THAP4: variants seen among roughly 807,000 people sequenced by gnomAD.
THAP4 encodes THAP domain containing 4, also known as peroxynitrite isomerase THAP4.
A neutral mutation model predicts 48.1 loss-of-function variants in THAP4; 18 were observed. The ratio of observed to expected loss-of-function variants is 0.37; its 90% CI spans 0.26 to 0.56. The LOEUF is 0.56. THAP4 is among the 20% of genes least tolerant of loss of function. The pLI, the probability that THAP4 is intolerant of heterozygous loss-of-function variation, is 0.78. For missense variants in THAP4, 656 were observed against 774.9 expected (o/e 0.85, Z 1.82); for synonymous variants, 345 against 324.9 (o/e 1.06, Z -0.66).
intron 2 of THAP4, among the ~76,000 whole-genome samples, chr2:241,620,987 G>GA (rs1420362542): frequency 1.3e-5 from 2 of 152,132 alleles, no homozygotes; most frequent in African/African-American, 2.4e-5. Flanking sequence ...TCTGAAGAGA[G>GA]AGAGTGAGCA....
At position 241,584,611 on chromosome 2, in the gene THAP4, G is replaced by A; in HGVS notation, c.1729C>T (p.Pro577Ser). 1.2e-6 allele frequency: 2 copies of A among 1,614,084 alleles called. No homozygotes were observed. The highest frequency in any genetic ancestry group is 1.7e-6 in the Non-Finnish European group (2 of 1,179,988). The change falls in exon 6 of 6, where the codon CCG becomes TCG. Residue 577 changes from proline (P) to serine (S), a missense_variant. Around this residue, in one of 4 missense-constraint regions of THAP4, gnomAD observed 176 missense variants for 256.7 expected, o/e 0.69. Coordinates refer to ENST00000407315, the MANE Select transcript of THAP4 (RefSeq NM_015963.6). The stretch of plus-strand genomic sequence containing the variant: ...GGGCTCCAGAAGCTCTAGGTTTACG[G>A]GGTCACCTTCTTGTAGGTGACGTGA... ...HLHVTYKKVT[P>S]
intron 2 of THAP4, among the ~76,000 whole-genome samples, chr2:241,632,409 G>A (rs1274716644): frequency 1.3e-5 from 2 of 152,042 alleles, no homozygotes; most frequent in Admixed American, 6.6e-5. Context: ...CTCAACAGAT[G>A]TTTTAATTGA....
intron 5 of THAP4, among the ~76,000 whole-genome samples, chr2:241,600,691 G>T (rs2067101344): frequency 7.1e-6 from 1 of 141,250 alleles, no homozygotes; most frequent in Non-Finnish European, 1.5e-5. Context: ...TTGCTCCACT[G>T]CACTCCAGCC....
intron 5 of THAP4, among the ~76,000 whole-genome samples, chr2:241,591,035 C>A (rs1575017121): frequency 6.6e-6 from 1 of 151,950 alleles, no homozygotes; most frequent in East Asian, 1.9e-4. Flanking sequence ...AACTGCCCGG[C>A]TGACGATGAT....
At chr2:241,630,897 G>C (rs1045983484) in intron 2 of THAP4, among the ~76,000 whole-genome samples, 2 of 151,588 alleles carry the variant, frequency 1.3e-5, no homozygotes, top group Non-Finnish European at 2.9e-5. Flanking sequence ...GTGGTGATAG[G>C]GGCCTGTAAT....
chr2:241,594,614 C>A, intron 5 of THAP4: 1 of 352,854 alleles, frequency 2.8e-6, no homozygotes, highest in Non-Finnish European at 5.7e-6. Flanking sequence ...CAACAAAAAC[C>A]GGGCATGCTG....
intron 2 of THAP4, among the ~76,000 whole-genome samples, chr2:241,631,893 CTT>C (rs531274905): frequency 4.2e-5 from 6 of 141,558 alleles, no homozygotes; most frequent in Non-Finnish European, 4.7e-5. Context: ...TATTGTATTT[CTT>C]TTTTTTTTTT....
In THAP4 at chr2:241,584,609, C is replaced by T. The variant is rs369630052; in HGVS notation, c.1731G>A (p.Pro577=). The change falls in exon 6 of 6, where the codon CCG becomes CCA. Residue 577 remains proline (P), a synonymous_variant. Transcript: ENST00000407315. The part of the protein sequence containing the change: ...HLHVTYKKVT[P] ...GAGGGCTCCAGAAGCTCTAGGTTTACGGGGTCACCTTCTTGTAGGTGACGT... is the reference window on the plus strand; with the variant it reads ...GAGGGCTCCAGAAGCTCTAGGTTTATGGGGTCACCTTCTTGTAGGTGACGT... 1.0e-4 allele frequency: 169 copies of T among 1,613,980 alleles called. No homozygotes were observed. The highest frequency in any genetic ancestry group is 1.8e-4 in the Admixed American group (11 of 59,996).
At chr2:241,587,923 A>G (rs1318718879) in intron 5 of THAP4, among the ~76,000 whole-genome samples, 3 of 151,908 alleles carry the variant, frequency 2.0e-5, no homozygotes, top group Non-Finnish European at 4.4e-5. Context: ...CTCAAAAAAA[A>G]AGAAAAAAAT....
chr2:241,588,422 A>T (rs753135153), intron 5 of THAP4, among the ~76,000 whole-genome samples: 30 of 152,244 alleles, frequency 2.0e-4, no homozygotes, highest in Non-Finnish European at 3.1e-4. Context: ...GAAACTGACA[A>T]GCTGATTCTG....
intron 2 of THAP4, 78 bp from the exon 3 acceptor site, chr2:241,606,551 C>T: frequency 1.5e-6 from 2 of 1,350,814 alleles, no homozygotes; most frequent in South Asian, 1.7e-5. Flanking sequence ...ATGCACGTTC[C>T]ATATCGACGC....
At position 241,616,624 on chromosome 2, in the gene THAP4, G is replaced by A. The variant is rs1336887318; in HGVS notation, c.1241-10151C>T. On this transcript the variant is annotated intron_variant, in intron 2 of 5. Transcript: ENST00000407315. The surrounding 1 kb of genome is among the most constrained non-coding windows in gnomAD (Gnocchi z 4.6). ...CACACCACACTTGGGGACAGGACAGGACGCAGCACTTATGTGGCAATTTCT... is the reference window on the plus strand; with the variant it reads ...CACACCACACTTGGGGACAGGACAGAACGCAGCACTTATGTGGCAATTTCT... Among the ~76,000 whole-genome samples the A allele has an allele frequency of 6.6e-6, 1 of 152,198 alleles. No individual in the cohort carries two copies. Among genetic ancestry groups the A allele is most frequent in the African/African-American group, 2.4e-5 (1 of 41,456 alleles).
At chr2:241,597,048 C>G (rs1213425748) in intron 5 of THAP4, among the ~76,000 whole-genome samples, 2 of 152,308 alleles carry the variant, frequency 1.3e-5, no homozygotes, top group Non-Finnish European at 2.9e-5. Flanking sequence ...TTCTTTCACT[C>G]ATGAAGTGAG....
intron 5 of THAP4, chr2:241,584,992 G>C: frequency 2.3e-6 from 1 of 430,954 alleles, no homozygotes; most frequent in South Asian, 2.5e-5. Flanking sequence ...CACCCTGAAC[G>C]CACCTGATCT....
At chr2:241,591,730 T>A (rs1259250384) in intron 5 of THAP4, among the ~76,000 whole-genome samples, 1 of 152,160 alleles carries the variant, frequency 6.6e-6, no homozygotes, top group Admixed American at 6.5e-5. Flanking sequence ...CCCAGGTGGA[T>A]TAATGACCTA....
chr2:241,619,740 TGA>T (rs1282404597), intron 2 of THAP4, among the ~76,000 whole-genome samples: 4 of 120,358 alleles, frequency 3.3e-5, no homozygotes, highest in African/African-American at 1.3e-4. Flanking sequence ...GAGGGGTGAG[TGA>T]GGGGTGAGTG....
chr2:241,602,664 C>A (rs948641419), intron 4 of THAP4, among the ~76,000 whole-genome samples: 1 of 152,266 alleles, frequency 6.6e-6, no homozygotes, highest in Non-Finnish European at 1.5e-5. Context: ...CTGTGCCCAA[C>A]CTGTTTTCCA....
At chr2:241,592,146 C>G (rs1356272740) in intron 5 of THAP4, 2 of 152,238 alleles carry the variant, frequency 1.3e-5, no homozygotes, top group African/African-American at 4.8e-5. Flanking sequence ...AAGCTAGGTC[C>G]AGAGCCACCC....
At chr2:241,608,237 C>A (rs1471107661) in intron 2 of THAP4, among the ~76,000 whole-genome samples, 2 of 152,090 alleles carry the variant, frequency 1.3e-5, no homozygotes, top group African/African-American at 4.8e-5. Context: ...GCCCTGGGGC[C>A]CAGAGTGAGA....
Sources: allele counts gnomAD v4.1 joint callset (sites outside exome capture counted in the v4.1 genomes callset), GRCh38; gene constraint gnomAD v4.1.1; regional missense constraint gnomAD v4.1.1; non-coding constraint Gnocchi (gnomAD v3.1); transcripts MANE v1.5; gene names NCBI Gene and HGNC (gene_info 2026-07-23, HGNC 2026-07-21).